KIAA0319L: variants seen among roughly 807,000 people sequenced by gnomAD.
The protein encoded by KIAA0319L is dyslexia-associated protein KIAA0319-like protein.
In KIAA0319L, 55 loss-of-function variants were observed where a neutral mutation model predicts 120.1. That is an observed-to-expected ratio of 0.46 (90% CI 0.37 to 0.57). The LOEUF (loss-of-function observed/expected upper bound fraction) is 0.57, where lower values mean the gene tolerates loss of function less well. Ranked by LOEUF, KIAA0319L falls within the 20% of genes least tolerant of loss-of-function variation. KIAA0319L has a pLI of 0.00. For missense variants in KIAA0319L, 1,049 were observed against 1,255.3 expected (o/e 0.84, Z 2.48); for synonymous variants, 398 against 471.9 (o/e 0.84, Z 2.03).
intron 2 of KIAA0319L, among the ~76,000 whole-genome samples, chr1:35,525,111 A>G (rs916584614): frequency 1.3e-5 from 2 of 152,292 alleles, no homozygotes; most frequent in African/African-American, 2.4e-5. Context: ...ATATTTGCCT[A>G]CGTCTGGCTT....
rs1374149535 is a variant in KIAA0319L at position 35,506,236 on chromosome 1, G to A, written c.666+376C>T. 6.6e-6 allele frequency among the ~76,000 whole-genome samples: 1 copy of A among 152,204 alleles called. No individual in the cohort carries two copies. Among genetic ancestry groups the A allele is most frequent in the Non-Finnish European group, 1.5e-5 (1 of 68,042 alleles). On this transcript the variant is annotated intron_variant, in intron 3 of 20. Coordinates refer to ENST00000325722, the MANE Select transcript of KIAA0319L (RefSeq NM_024874.5). This position sits in a 1 kb window ranked among gnomAD's most constrained non-coding sequence, Gnocchi z 4.0. Reference sequence around the variant, plus strand: ...ATAAAGAATGTGTTTACAGGCGAGAGATGGAGGAGAACTTGACTGTAACCA... The same window carrying A: ...ATAAAGAATGTGTTTACAGGCGAGAAATGGAGGAGAACTTGACTGTAACCA...
intron 3 of KIAA0319L, among the ~76,000 whole-genome samples, chr1:35,505,892 T>G (rs1645187687): frequency 6.6e-6 from 1 of 152,200 alleles, no homozygotes; most frequent in Non-Finnish European, 1.5e-5. Flanking sequence ...GCTTGGCATG[T>G]CATAGCCCAC....
chr1:35,483,618 T>C (rs909096290), intron 3 of KIAA0319L, among the ~76,000 whole-genome samples: 3 of 152,240 alleles, frequency 2.0e-5, no homozygotes, highest in Non-Finnish European at 4.4e-5. Context: ...CCTTGATTAC[T>C]GTGGCTATAC....
At chr1:35,541,785 G>C (rs534858034) in intron 2 of KIAA0319L, among the ~76,000 whole-genome samples, 1 of 152,350 alleles carries the variant, frequency 6.6e-6, no homozygotes, top group African/African-American at 2.4e-5. Flanking sequence ...AGTTTTGGGG[G>C]AAGTGAACTA....
At chr1:35,485,576 C>T (rs758442394) in intron 3 of KIAA0319L, among the ~76,000 whole-genome samples, 2 of 152,216 alleles carry the variant, frequency 1.3e-5, no homozygotes, top group African/African-American at 2.4e-5. Flanking sequence ...GAGAGCTTAT[C>T]GTAGCCCTTC....
chr1:35,552,815 T>C (rs1048884551), intron 2 of KIAA0319L, among the ~76,000 whole-genome samples: 2 of 152,096 alleles, frequency 1.3e-5, no homozygotes, highest in African/African-American at 4.8e-5. Flanking sequence ...CTCACATCTG[T>C]AATCTCAGCA....
At position 35,466,588 on chromosome 1, in the gene KIAA0319L, A is replaced by G; in HGVS notation, c.1201+20T>C. 1 of 1,574,532 alleles carries G rather than the reference A, an allele frequency of 6.4e-7. No homozygotes were observed. Among genetic ancestry groups the G allele is most frequent in the Non-Finnish European group, 8.7e-7 (1 of 1,144,424 alleles). ...CCTGCAGAGGGAGGAAGGGAGACAC[A>G]GCCAGGGCTGAAAACATACCTGGCT... is the stretch of plus-strand genomic sequence containing the variant. On this transcript the variant is annotated intron_variant, in intron 7 of 20. Coordinates refer to ENST00000325722, the MANE Select transcript of KIAA0319L (RefSeq NM_024874.5).
chr1:35,448,666 GC>G (rs1171840586), intron 15 of KIAA0319L, among the ~76,000 whole-genome samples: 2 of 152,274 alleles, frequency 1.3e-5, no homozygotes, highest in East Asian at 3.9e-4. Flanking sequence ...TGTGCAACTG[GC>G]AGTGCTGAGC....
At chr1:35,555,381 A>G (rs1558697018) in intron 1 of KIAA0319L, among the ~76,000 whole-genome samples, 1 of 152,216 alleles carries the variant, frequency 6.6e-6, no homozygotes, top group Non-Finnish European at 1.5e-5. Flanking sequence ...CGGCCAGCAT[A>G]CAGGGAGATC....
chr1:35,509,488 G>A (rs549510382), intron 2 of KIAA0319L, among the ~76,000 whole-genome samples: 1 of 152,362 alleles, frequency 6.6e-6, no homozygotes, highest in African/African-American at 2.4e-5. Flanking sequence ...AAAACGACAT[G>A]TGATGACAGA....
intron 3 of KIAA0319L, among the ~76,000 whole-genome samples, chr1:35,491,965 T>C (rs1327907117): frequency 6.6e-6 from 1 of 152,214 alleles, no homozygotes; most frequent in Non-Finnish European, 1.5e-5. Flanking sequence ...AGAGACAGCC[T>C]ACATAGCAAT....
rs562188506 is a variant in KIAA0319L at position 35,455,791 on chromosome 1, G to C, written c.1656+222C>G. 2.6e-5 allele frequency among the ~76,000 whole-genome samples: 4 copies of C among 152,026 alleles called. No individual in the cohort carries two copies. In the South Asian group the frequency reaches 8.3e-4, roughly 32 times the overall value. On this transcript the variant is annotated intron_variant, in intron 10 of 20. Coordinates refer to ENST00000325722, the MANE Select transcript of KIAA0319L (RefSeq NM_024874.5). ...AGACGGGGTTTCACAATGTTGGCCA[G>C]GCTGGTCTCGAACTCCTGACCTCAT...
chr1:35,470,731 C>G, intron 6 of KIAA0319L, 132 bp downstream of exon 6: 1 of 642,478 alleles, frequency 1.6e-6, no homozygotes, highest in Non-Finnish European at 2.8e-6. Context: ...GTCAGCCAGT[C>G]AGATTTTTGG....
At position 35,534,502 on chromosome 1, in the gene KIAA0319L, T is replaced by C. The variant is rs552176207; in HGVS notation, c.142+19848A>G. On this transcript the variant is annotated intron_variant, in intron 2 of 20. Coordinates refer to ENST00000325722, the MANE Select transcript of KIAA0319L (RefSeq NM_024874.5). The stretch of plus-strand genomic sequence containing the variant: ...TAAGAATGCTTACAACAGCAAGTCC[T>C]TTCCTATAACACTGTCACTAAAAAG... Among the ~76,000 whole-genome samples, 31 of 152,334 alleles carry C rather than the reference T, an allele frequency of 2.0e-4. No homozygotes were observed. The South Asian group carries it at 5.6e-3, about 27-fold the overall frequency.
chr1:35,533,805 G>A (rs1392589424), intron 2 of KIAA0319L, among the ~76,000 whole-genome samples: 3 of 152,106 alleles, frequency 2.0e-5, no homozygotes, highest in Non-Finnish European at 4.4e-5. Context: ...CACAGGAACC[G>A]TTCAAAAACA....
Position 35,449,888 on chromosome 1 carries a change from T to G in KIAA0319L, c.2332A>C (p.Thr778Pro). Reference sequence around the variant, plus strand: ...TCACCAGGTTTCACCTCCACAGTGGTCCGGTCTGTGTCACTCTCACCCTTT... The same window carrying G: ...TCACCAGGTTTCACCTCCACAGTGGGCCGGTCTGTGTCACTCTCACCCTTT... ...DAKGESDTDR[T>P]TVEVKPDPRK... The change falls in exon 15 of 21, where the codon ACC (threonine) becomes CCC (proline). Residue 778 changes from threonine to proline, a missense_variant. Transcript: ENST00000325722. 1.2e-6 allele frequency: 2 copies of G among 1,614,150 alleles called. No homozygotes were observed. Among genetic ancestry groups the G allele is most frequent in the Non-Finnish European group, 1.7e-6 (2 of 1,180,016 alleles).
At chr1:35,501,458 C>T (rs1645002491) in intron 3 of KIAA0319L, among the ~76,000 whole-genome samples, 1 of 152,232 alleles carries the variant, frequency 6.6e-6, no homozygotes, top group South Asian at 2.1e-4. Context: ...CACTTCAACT[C>T]TCATTGCAGC....
chr1:35,453,008 A>G lies in KIAA0319L; in HGVS notation c.1913+549T>C, dbSNP rs12068951. On this transcript the variant is annotated intron_variant, in intron 12 of 20. Coordinates refer to ENST00000325722, the MANE Select transcript of KIAA0319L (RefSeq NM_024874.5). The surrounding 1 kb of genome is among the most constrained non-coding windows in gnomAD (Gnocchi z 4.1). ...TTATGCTTTAAAGGAGCTAAAAGAA[A>G]CTACAGGAACTAAGAATGGTTCAGT... Among the ~76,000 whole-genome samples the G allele has an allele frequency of 0.087, 13,293 of 152,286 alleles. 1,304 individuals are homozygous for G. Among genetic ancestry groups the G allele is most frequent in the East Asian group, 0.44 (2,257 of 5,184 alleles).
intron 3 of KIAA0319L, among the ~76,000 whole-genome samples, chr1:35,496,381 G>C (rs2148369492): frequency 6.6e-6 from 1 of 152,216 alleles, no homozygotes; most frequent in South Asian, 2.1e-4. Flanking sequence ...GATGGTGCCA[G>C]TGCACTCTAG....
Sources: gnomAD v4.1 joint callset for allele counts (sites outside exome capture counted in the v4.1 genomes callset) on GRCh38, gnomAD v4.1.1 for gene constraint, Gnocchi (gnomAD v3.1) non-coding constraint, MANE v1.5 for transcripts, NCBI Gene and HGNC (gene_info 2026-07-23, HGNC 2026-07-21) for gene names.